HOMER2: variants seen among roughly 807,000 people sequenced by gnomAD.
The protein encoded by HOMER2 is homer scaffold protein 2.
HOMER2 carries 27 observed loss-of-function variants against 47.0 expected under a neutral mutation model. The ratio of observed to expected loss-of-function variants is 0.57; its 90% confidence interval spans 0.42 to 0.79. The LOEUF (loss-of-function observed/expected upper bound fraction) is 0.79, where lower values mean the gene tolerates loss of function less well. Ranked by LOEUF, HOMER2 falls within the 30% of genes least tolerant of loss-of-function variation. The pLI is 0.00. For missense variants in HOMER2, 443 were observed against 435.0 expected (o/e 1.02, Z -0.16); for synonymous variants, 161 against 163.8 (o/e 0.98, Z 0.13).
intron 1 of HOMER2, among the ~76,000 whole-genome samples, chr15:82,941,064 C>T (rs567094494): frequency 1.3e-4 from 20 of 152,222 alleles, no homozygotes; most frequent in African/African-American, 4.6e-4. Context: ...TCTCTCTATC[C>T]CTTCAGTTCT....
intron 3 of HOMER2, among the ~76,000 whole-genome samples, chr15:82,872,318 C>G (rs532508797): frequency 9.2e-5 from 14 of 152,198 alleles, no homozygotes; most frequent in East Asian, 1.9e-4. Context: ...TTTCAGAAAA[C>G]GGCCTCACCA....
At chr15:82,865,487 C>A (rs1395301118) in intron 3 of HOMER2, among the ~76,000 whole-genome samples, 17 of 152,120 alleles carry the variant, frequency 1.1e-4, no homozygotes, top group Non-Finnish European at 2.5e-4. Flanking sequence ...AAAAAAAAAT[C>A]ATGTAAAAGA....
At chr15:82,944,753 A>T (rs537391769) in intron 1 of HOMER2, among the ~76,000 whole-genome samples, 5,460 of 150,392 alleles carry the variant, frequency 0.036, 135 homozygotes, top group Non-Finnish European at 0.052. Context: ...TTTTTTTTTT[A>T]AATTTTTAAT....
chr15:82,864,754 T>A (rs2051910606), intron 3 of HOMER2, among the ~76,000 whole-genome samples: 1 of 152,270 alleles, frequency 6.6e-6, no homozygotes, highest in Non-Finnish European at 1.5e-5. Context: ...GTGTTCATTA[T>A]ACTATGCCCT....
At chr15:82,838,212 G>C (rs1477208484) in exon 2 of HOMER2, 2 of 153,036 alleles carry the variant, frequency 1.3e-5, no homozygotes, top group African/African-American at 4.8e-5. Context: ...AACAGGGTAG[G>C]CATGGGCCGG....
chr15:82,930,544 A>G (rs1416358301), intron 1 of HOMER2, among the ~76,000 whole-genome samples: 1 of 152,182 alleles, frequency 6.6e-6, no homozygotes, highest in African/African-American at 2.4e-5. Context: ...GATTCTCCAG[A>G]AGTTTCCACC....
chr15:82,846,519 G>A (rs2051249964), downstream of HOMER2: 1 of 152,188 alleles, frequency 6.6e-6, no homozygotes, highest in Non-Finnish European at 1.5e-5. Context: ...TCACCAAAGG[G>A]ACTAGAGTGG....
intron 1 of HOMER2, among the ~76,000 whole-genome samples, chr15:82,943,896 C>G (rs1596375450): frequency 2.0e-5 from 3 of 152,220 alleles, no homozygotes; most frequent in Admixed American, 2.0e-4. Flanking sequence ...TACTCAAGAG[C>G]TTCTTTTTAA....
chr15:82,865,718 C>T (rs1049300332), intron 3 of HOMER2, among the ~76,000 whole-genome samples: 3 of 152,208 alleles, frequency 2.0e-5, no homozygotes, highest in Admixed American at 2.0e-4. Context: ...CCAGCAGCTC[C>T]AGCTGTGACT....
chr15:82,861,020 A>G (rs1043791258), intron 4 of HOMER2, among the ~76,000 whole-genome samples: 8 of 149,282 alleles, frequency 5.4e-5, no homozygotes, highest in African/African-American at 1.8e-4. Flanking sequence ...AGAAAACAAA[A>G]GAAAAAAAGA....
At chr15:82,968,539 G>A (rs2054696579) in intron 1 of HOMER2, among the ~76,000 whole-genome samples, 1 of 152,184 alleles carries the variant, frequency 6.6e-6, no homozygotes, top group Admixed American at 6.5e-5. Flanking sequence ...CTATCCAGAG[G>A]CATCTTTCCA....
intron 3 of HOMER2, among the ~76,000 whole-genome samples, chr15:82,869,860 T>C (rs2052121618): frequency 6.6e-6 from 1 of 152,242 alleles, no homozygotes; most frequent in Non-Finnish European, 1.5e-5. Context: ...TTTTTTATGT[T>C]ATAAATGATG....
intron 2 of HOMER2, among the ~76,000 whole-genome samples, chr15:82,882,195 A>C (rs1385209086): frequency 6.6e-6 from 1 of 152,216 alleles, no homozygotes; most frequent in East Asian, 1.9e-4. Context: ...CAGTGTCTAT[A>C]AACAGGGACA....
intron 1 of HOMER2, among the ~76,000 whole-genome samples, chr15:82,918,259 G>A (rs2053639280): frequency 6.6e-6 from 1 of 152,166 alleles, no homozygotes; most frequent in African/African-American, 2.4e-5. Flanking sequence ...AGTACTGGGT[G>A]CAGAAACTCC....
At chr15:82,978,682 T>C (rs974312489) in intron 1 of HOMER2, among the ~76,000 whole-genome samples, 1 of 152,108 alleles carries the variant, frequency 6.6e-6, no homozygotes, top group Non-Finnish European at 1.5e-5. Context: ...GTTTCCCCCA[T>C]GCTATTCTTG....
At chr15:82,929,317 G>C (rs913862813) in intron 1 of HOMER2, among the ~76,000 whole-genome samples, 1 of 152,152 alleles carries the variant, frequency 6.6e-6, no homozygotes, top group Non-Finnish European at 1.5e-5. Context: ...AGATGGATGA[G>C]AAAGGGAAGA....
At chr15:82,967,080 T>C (rs2054681172) in intron 1 of HOMER2, among the ~76,000 whole-genome samples, 2 of 152,016 alleles carry the variant, frequency 1.3e-5, no homozygotes, top group Non-Finnish European at 1.5e-5. Context: ...TGAGACCCTG[T>C]CTCTACAAAA....
intron 1 of HOMER2, among the ~76,000 whole-genome samples, chr15:82,983,250 C>A (rs1288682472): frequency 6.6e-6 from 1 of 152,226 alleles, no homozygotes; most frequent in Non-Finnish European, 1.5e-5. Context: ...TACCCTGCCA[C>A]TGAATGCACA....
chr15:82,852,077 G>T, intron 7 of HOMER2, 65 bp downstream of exon 7: 1 of 1,096,228 alleles, frequency 9.1e-7, no homozygotes, highest in Non-Finnish European at 1.4e-6. Context: ...CAAGACACCT[G>T]CTGTGTGCCA....
Sources: allele counts gnomAD v4.1 joint callset (sites outside exome capture counted in the v4.1 genomes callset), GRCh38; gene constraint gnomAD v4.1.1; transcripts MANE v1.5; gene names NCBI Gene and HGNC (gene_info 2026-07-23, HGNC 2026-07-21).